The following KEL variants were observed in gnomAD, a reference collection of about 807,000 sequenced individuals.
The protein encoded by KEL is kell blood group glycoprotein.
KEL carries 96 observed loss-of-function variants against 99.5 expected under a neutral mutation model. The ratio of observed to expected loss-of-function variants is 0.97; its 90% CI spans 0.82 to 1.14. The LOEUF (loss-of-function observed/expected upper bound fraction) is 1.14, where lower values mean the gene tolerates loss of function less well. KEL is among the 50% of genes most tolerant of loss of function. KEL has a pLI of 0.00. For synonymous variants in KEL, 355 were observed against 354.8 expected, an observed-to-expected ratio of 1.00 and a Z score of -0.01; for missense variants, 926 against 924.2, an observed-to-expected ratio of 1.00 and a Z score of -0.03.
At chr7:142,941,654 G>T (rs1231471885) in intron 18 of KEL, among the ~76,000 whole-genome samples, 1 of 152,162 alleles carries the variant, frequency 6.6e-6, no homozygotes, top group Non-Finnish European at 1.5e-5. Flanking sequence ...TAGCGCAGGA[G>T]CTCTGGGGTG....
chr7:142,946,212 T>G lies in KEL; in HGVS notation c.1309A>C (p.Ser437Arg), dbSNP rs769422716. ...VREAFGPSTR[S>R]AAMKLFTAIR... ...TGGGAAGAGCTCTCACATACAGCAC[T>G]TCGGGTGCTCGGGCCAAAGGCCTCA... The change falls in exon 11 of 19, where the codon AGT becomes CGT. Residue 437 changes from serine to arginine, a missense_variant. By Grantham distance (110) the Ser-to-Arg change is moderately radical (BLOSUM62 -1). Transcript: ENST00000355265. 14 of 1,611,916 alleles carry G rather than the reference T, an allele frequency of 8.7e-6. No homozygotes were observed. In the South Asian group the frequency reaches 1.5e-4, roughly 18 times the overall value.
intron 6 of KEL, among the ~76,000 whole-genome samples, chr7:142,955,513 T>G (rs759561366): frequency 2.0e-5 from 3 of 152,204 alleles, no homozygotes; most frequent in Admixed American, 6.5e-5. Flanking sequence ...GTTGCATTGA[T>G]TTTGATTTTT....
At chr7:142,962,130 G>A (rs1796975514) in intron 1 of KEL, 74 bp downstream of exon 1, 2 of 1,613,170 alleles carry the variant, frequency 1.2e-6, no homozygotes, top group Non-Finnish European at 1.7e-6. Flanking sequence ...CTCCCCTCCA[G>A]TGGGGGCAGG....
At chr7:142,962,030 C>T (rs140233179) in intron 1 of KEL, 158 bp from the exon 2 acceptor site, 363 of 1,609,046 alleles carry the variant, frequency 2.3e-4, no homozygotes, top group Middle Eastern at 3.3e-4. Context: ...GGCTTCAGAA[C>T]GAACCTGTCC....
intron 17 of KEL, 79 bp downstream of exon 17, chr7:142,942,796 G>T: frequency 1.3e-6 from 2 of 1,545,698 alleles, no homozygotes; most frequent in Non-Finnish European, 1.8e-6. Flanking sequence ...CTTGTGTCAG[G>T]AATGGTGGAA....
At chr7:142,958,501 G>T in intron 4 of KEL, 73 bp from the exon 5 acceptor site, 1 of 1,432,394 alleles carries the variant, frequency 7.0e-7, no homozygotes, top group Non-Finnish European at 9.7e-7. Flanking sequence ...TATCAAAGGG[G>T]TCTGGGGAGT....
At chr7:142,961,293 G>A in intron 3 of KEL, 67 bp downstream of exon 3, 3 of 1,602,448 alleles carry the variant, frequency 1.9e-6, no homozygotes, top group Non-Finnish European at 2.6e-6. Context: ...CCAGGAGCAG[G>A]GACTGGGCCT....
intron 4 of KEL, among the ~76,000 whole-genome samples, chr7:142,959,825 G>C (rs1016491848): frequency 6.6e-6 from 1 of 151,862 alleles, no homozygotes; most frequent in Non-Finnish European, 1.5e-5. Flanking sequence ...TTTTATCTCT[G>C]TGCCTTCCCT....
chr7:142,954,028 G>A, intron 8 of KEL, 72 bp from the exon 9 acceptor site: 3 of 1,582,964 alleles, frequency 1.9e-6, no homozygotes, highest in East Asian at 2.2e-5. Context: ...CCCCTTGGGT[G>A]TGAGAAAAAG....
chr7:142,953,312 C>T, intron 9 of KEL: 1 of 969,740 alleles, frequency 1.0e-6, no homozygotes, highest in Non-Finnish European at 1.2e-6. Flanking sequence ...ATAAGAGCTC[C>T]AGCATCTTCA....
At chr7:142,950,488 T>A (rs977366153) in intron 10 of KEL, among the ~76,000 whole-genome samples, 4 of 152,154 alleles carry the variant, frequency 2.6e-5, no homozygotes, top group Non-Finnish European at 4.4e-5. Context: ...CCTGTCCCCA[T>A]GAGATGATAC....
At chr7:142,945,964 C>A in intron 11 of KEL, 1 of 574,490 alleles carries the variant, frequency 1.7e-6, no homozygotes, top group Non-Finnish European at 3.1e-6. Flanking sequence ...AACACAAGAC[C>A]AGGAAAGTTG....
chr7:142,942,051 C>T (rs1241495140), intron 18 of KEL: 6 of 251,746 alleles, frequency 2.4e-5, no homozygotes, highest in South Asian at 1.4e-4. Flanking sequence ...TCAAGTGATC[C>T]GCCCACCTCG....
At chr7:142,955,814 C>T (rs1796817904) in intron 6 of KEL, among the ~76,000 whole-genome samples, 1 of 152,184 alleles carries the variant, frequency 6.6e-6, no homozygotes, top group Admixed American at 6.5e-5. Context: ...CATCTATGCC[C>T]ATTGTTTCCA....
chr7:142,947,771 C>T (rs1289366291), intron 10 of KEL, among the ~76,000 whole-genome samples: 1 of 152,192 alleles, frequency 6.6e-6, no homozygotes, highest in Non-Finnish European at 1.5e-5. Context: ...GGTCCATCTG[C>T]CTTGGCCTCC....
At chr7:142,942,078 G>C (rs767622282) in intron 18 of KEL, 3 of 312,836 alleles carry the variant, frequency 9.6e-6, no homozygotes, top group African/African-American at 2.1e-5. Flanking sequence ...TAGAGTGCCA[G>C]GATTACAGGT....
intron 6 of KEL, among the ~76,000 whole-genome samples, chr7:142,955,774 T>C (rs1424873963): frequency 6.6e-6 from 1 of 152,214 alleles, no homozygotes; most frequent in African/African-American, 2.4e-5. Context: ...TTTGCTACAT[T>C]GTATGTCCAC....
At chr7:142,952,019 T>C (rs1185920342) in intron 10 of KEL, among the ~76,000 whole-genome samples, 1 of 152,068 alleles carries the variant, frequency 6.6e-6, no homozygotes, top group Non-Finnish European at 1.5e-5. Context: ...TATATCCACA[T>C]CTGTGCCACA....
chr7:142,942,751 T>A, intron 17 of KEL, 124 bp downstream of exon 17: 1 of 1,240,516 alleles, frequency 8.1e-7, no homozygotes. Context: ...GTCTATTCAG[T>A]GGGGATGCGA....
Sources: allele counts gnomAD v4.1 joint callset (sites outside exome capture counted in the v4.1 genomes callset), GRCh38; gene constraint gnomAD v4.1.1; transcripts MANE v1.5; gene names NCBI Gene and HGNC (gene_info 2026-07-23, HGNC 2026-07-21).